PDZD2: variants seen among roughly 807,000 people sequenced by gnomAD.
The protein encoded by PDZD2 is PDZ domain-containing protein 2.
A neutral mutation model predicts 220.7 loss-of-function variants in PDZD2; 90 were observed. That is an observed-to-expected ratio of 0.41 (90% CI 0.34 to 0.49). The LOEUF is 0.49. Among genes scored for constraint, PDZD2 ranks in the 20% least tolerant of loss-of-function variants. PDZD2 has a pLI of 0.28. For missense variants in PDZD2, 3,174 were observed against 3,608.5 expected, an observed-to-expected ratio of 0.88 and a Z score of 3.08; for synonymous variants, 1,375 against 1,450.5, an observed-to-expected ratio of 0.95 and a Z score of 1.18.
At chr5:31,920,466 C>G (rs976539006) in intron 2 of PDZD2, among the ~76,000 whole-genome samples, 1 of 149,234 alleles carries the variant, frequency 6.7e-6, no homozygotes, top group African/African-American at 2.5e-5. Context: ...CACCCAATGT[C>G]CACAGTGTAC....
At chr5:32,092,430 G>C (rs1743250763) in intron 20 of PDZD2, among the ~76,000 whole-genome samples, 1 of 151,818 alleles carries the variant, frequency 6.6e-6, no homozygotes, top group African/African-American at 2.4e-5. Context: ...AAATTAGCCA[G>C]GCGTGGTGGC....
At chr5:31,850,266 A>G (rs1469013040) in intron 2 of PDZD2, among the ~76,000 whole-genome samples, 1 of 137,978 alleles carries the variant, frequency 7.2e-6, no homozygotes, top group Non-Finnish European at 1.6e-5. Context: ...ACACACATAT[A>G]TATACTTATC....
At chr5:31,715,811 G>C (rs1748412098) in intron 1 of PDZD2, among the ~76,000 whole-genome samples, 1 of 152,208 alleles carries the variant, frequency 6.6e-6, no homozygotes, top group Non-Finnish European at 1.5e-5. Context: ...GGGAGTTTCT[G>C]ATGCCACCAT....
At chr5:31,905,577 A>G (rs546881894) in intron 2 of PDZD2, among the ~76,000 whole-genome samples, 4 of 152,370 alleles carry the variant, frequency 2.6e-5, no homozygotes, top group African/African-American at 7.2e-5. Context: ...CCCCTGGTCA[A>G]ACATTAAATA....
At chr5:32,049,060 G>A (rs1177175800) in intron 8 of PDZD2, among the ~76,000 whole-genome samples, 1 of 152,074 alleles carries the variant, frequency 6.6e-6, no homozygotes, top group African/African-American at 2.4e-5. Flanking sequence ...TATGAGAGAG[G>A]GAGTGTGCGT....
chr5:31,833,763 C>T (rs73753519), intron 2 of PDZD2, among the ~76,000 whole-genome samples: 2 of 152,156 alleles, frequency 1.3e-5, no homozygotes, highest in South Asian at 2.1e-4. Flanking sequence ...AGCTTTCTAC[C>T]GTTTATCCTG....
At position 32,024,542 on chromosome 5, in the gene PDZD2, G is replaced by A. The variant is rs113184934; in HGVS notation, c.1408-12689G>A. Among the ~76,000 whole-genome samples the A allele has an allele frequency of 2.4e-3, 369 of 152,222 alleles. 3 individuals carry two copies. Among genetic ancestry groups the A allele is most frequent in the African/African-American group, 8.5e-3 (354 of 41,530 alleles). ...TACTAAAACTACAAAAATTAGCTGGGTGTGGTGGTGCACTCCTGTTATCCC... is the reference window on the plus strand; with the variant it reads ...TACTAAAACTACAAAAATTAGCTGGATGTGGTGGTGCACTCCTGTTATCCC... On this transcript the variant is annotated intron_variant, in intron 6 of 24. Coordinates refer to ENST00000438447, the MANE Select transcript of PDZD2 (RefSeq NM_178140.4).
intron 1 of PDZD2, among the ~76,000 whole-genome samples, chr5:31,643,202 A>C: frequency 6.6e-6 from 1 of 152,182 alleles, no homozygotes; most frequent in East Asian, 1.9e-4. Flanking sequence ...CACCAAAGTC[A>C]GTGAGAGCCC....
chr5:32,109,501 T>G lies in PDZD2; in HGVS notation c.*1366T>G, dbSNP rs1223226076. The G allele has an allele frequency of 6.6e-6, 1 of 152,196 alleles. No individual in the cohort carries two copies. Among genetic ancestry groups the G allele is most frequent in the East Asian group, 1.9e-4 (1 of 5,194 alleles). 9.4% of individuals were successfully genotyped at this position (152,196 alleles called of 1,614,324 possible). A position where few individuals can be genotyped will look rare whatever the true frequency, so the allele number is the denominator to read the frequency against. On this transcript the variant is annotated 3_prime_UTR_variant, in exon 25 of 25. Coordinates refer to ENST00000438447, the MANE Select transcript of PDZD2 (RefSeq NM_178140.4). ...CGTCACATAGCTGGCTTTTCTCTCC[T>G]CATGATGTACCTTATTTTCTTAGGT...
chr5:31,911,662 A>C (rs1433349491), intron 2 of PDZD2, among the ~76,000 whole-genome samples: 1 of 152,252 alleles, frequency 6.6e-6, no homozygotes, highest in African/African-American at 2.4e-5. Context: ...GGTTCACAGA[A>C]GTTCTGGGAA....
chr5:31,881,595 C>T (rs1348672754), intron 2 of PDZD2, among the ~76,000 whole-genome samples: 1 of 151,592 alleles, frequency 6.6e-6, no homozygotes, highest in Non-Finnish European at 1.5e-5. Flanking sequence ...CCAGACTGGT[C>T]TCAAACTCCT....
intron 2 of PDZD2, among the ~76,000 whole-genome samples, chr5:31,830,746 T>C (rs990023164): frequency 6.6e-6 from 1 of 152,204 alleles, no homozygotes; most frequent in African/African-American, 2.4e-5. Flanking sequence ...TAAAGTTACA[T>C]GTTTTTTCAT....
intron 2 of PDZD2, among the ~76,000 whole-genome samples, chr5:31,871,753 C>G (rs1236901050): frequency 6.6e-6 from 1 of 152,054 alleles, no homozygotes; most frequent in Non-Finnish European, 1.5e-5. Context: ...CTGGCCCGTA[C>G]TTGAGCTTTC....
intron 1 of PDZD2, chr5:31,743,887 AG>A (rs1318320540): frequency 6.6e-6 from 1 of 152,318 alleles, no homozygotes; most frequent in Non-Finnish European, 1.5e-5. Context: ...GTGCATTTTG[AG>A]AGGCTAGTAG....
chr5:31,981,919 C>T (rs553812392), intron 2 of PDZD2, among the ~76,000 whole-genome samples: 12 of 152,260 alleles, frequency 7.9e-5, no homozygotes, highest in Admixed American at 2.6e-4. Context: ...GTTGTATTTT[C>T]TTATCGTTCT....
intron 16 of PDZD2, among the ~76,000 whole-genome samples, 184 bp from the exon 17 acceptor site, chr5:32,071,977 T>G (rs973176453): frequency 1.3e-5 from 2 of 152,200 alleles, no homozygotes; most frequent in Non-Finnish European, 2.9e-5. Flanking sequence ...AGCAGTCACC[T>G]TTTTATTTAT....
intron 1 of PDZD2, chr5:31,742,194 A>G (rs1250319722): frequency 6.6e-6 from 1 of 152,174 alleles, no homozygotes; most frequent in Non-Finnish European, 1.5e-5. Flanking sequence ...AAGTCATCCT[A>G]CTTTCTTCAC....
At position 31,843,017 on chromosome 5, in the gene PDZD2, G is replaced by A. The variant is rs887554524; in HGVS notation, c.476+43293G>A. On this transcript the variant is annotated intron_variant, in intron 2 of 24. Coordinates refer to ENST00000438447, the MANE Select transcript of PDZD2 (RefSeq NM_178140.4). Reference sequence around the variant, plus strand: ...CTGTCTCAGCCTCCCGAGTAGCTGCGATTACAGGCATGCACCACCACACCC... The same window carrying A: ...CTGTCTCAGCCTCCCGAGTAGCTGCAATTACAGGCATGCACCACCACACCC... 3.3e-5 allele frequency among the ~76,000 whole-genome samples: 5 copies of A among 152,044 alleles called. No homozygotes were observed. The South Asian group carries it at 6.2e-4, about 19-fold the overall frequency.
chr5:31,934,974 CTA>C (rs1189059086), intron 2 of PDZD2, among the ~76,000 whole-genome samples: 1 of 151,904 alleles, frequency 6.6e-6, no homozygotes, highest in Admixed American at 6.6e-5. Flanking sequence ...GTAATCCCAG[CTA>C]CTCCAGGAGG....
Sources: gnomAD v4.1 joint callset for allele counts (sites outside exome capture counted in the v4.1 genomes callset) on GRCh38, gnomAD v4.1.1 for gene constraint, MANE v1.5 for transcripts, NCBI Gene and HGNC (gene_info 2026-07-23, HGNC 2026-07-21) for gene names.